The following KIRREL3 variants were observed in gnomAD, a reference collection of about 807,000 sequenced individuals.
KIRREL3 encodes kirre like nephrin family adhesion molecule 3.
Under a neutral mutation model 89.7 loss-of-function variants are expected in KIRREL3, and 36 were observed. The ratio of observed to expected loss-of-function variants is 0.40; its 90% CI spans 0.31 to 0.53. The LOEUF is 0.53. Among genes scored for constraint, KIRREL3 ranks in the 20% least tolerant of loss-of-function variants. The pLI is 0.49. For missense variants in KIRREL3, 864 were observed against 1,056.6 expected (o/e 0.82, Z 2.53); for synonymous variants, 445 against 441.4 (o/e 1.01, Z -0.10).
At chr11:126,950,450 C>G (rs1433992998) in intron 1 of KIRREL3, among the ~76,000 whole-genome samples, 1 of 152,130 alleles carries the variant, frequency 6.6e-6, no homozygotes, top group Admixed American at 6.6e-5. Flanking sequence ...CAAGGCTGAC[C>G]TCTACGGGCA....
At position 126,614,504 on chromosome 11, in the gene KIRREL3, A is replaced by G. The variant is rs1943264478; in HGVS notation, c.56-51592T>C. On this transcript the variant is annotated intron_variant, in intron 1 of 16. Coordinates refer to ENST00000525144, the MANE Select transcript of KIRREL3 (RefSeq NM_032531.4). This position sits in a 1 kb window ranked among gnomAD's most constrained non-coding sequence, Gnocchi z 4.6. ...CAGTGATACTCAGGCCCTTAGATCA[A>G]TTAAATCAGACTTTCTCATGAGGGT... is the stretch of plus-strand genomic sequence containing the variant. Among the ~76,000 whole-genome samples the G allele has an allele frequency of 1.3e-5, 2 of 152,322 alleles. No individual in the cohort carries two copies. The highest frequency in any genetic ancestry group is 4.1e-4 in the South Asian group (2 of 4,822).
At chr11:126,452,081 AGAC>A (rs1555109626) in intron 7 of KIRREL3, among the ~76,000 whole-genome samples, 1 of 152,054 alleles carries the variant, frequency 6.6e-6, no homozygotes, top group Non-Finnish European at 1.5e-5. Context: ...CAGCCCCGAG[AGAC>A]GACTGTTTCT....
Position 126,574,067 on chromosome 11 carries a change from G to A in KIRREL3, c.56-11155C>T, listed in dbSNP as rs937088005. ...CCCAGACAAGGGGCTTCATTCTGAG[G>A]GACTAGAACATCGGTTGCGGAATGT... On this transcript the variant is annotated intron_variant, in intron 1 of 16. Transcript: ENST00000525144. This position sits in a 1 kb window ranked among gnomAD's most constrained non-coding sequence, Gnocchi z 5.3. 6.6e-6 allele frequency among the ~76,000 whole-genome samples: 1 copy of A among 152,202 alleles called. No homozygotes were observed. The highest frequency in any genetic ancestry group is 1.5e-5 in the Non-Finnish European group (1 of 68,026).
At chr11:126,968,360 G>T (rs1565464846) in intron 1 of KIRREL3, among the ~76,000 whole-genome samples, 1 of 152,118 alleles carries the variant, frequency 6.6e-6, no homozygotes. Flanking sequence ...AAAGAAAGGG[G>T]GAAGAAAAGA....
intron 1 of KIRREL3, among the ~76,000 whole-genome samples, chr11:126,722,093 T>A (rs1948196985): frequency 6.6e-6 from 1 of 152,242 alleles, no homozygotes; most frequent in Admixed American, 6.5e-5. Context: ...GTAACTCTAC[T>A]GTATATACCT....
At chr11:126,743,482 G>A (rs1225882200) in intron 1 of KIRREL3, among the ~76,000 whole-genome samples, 2 of 152,220 alleles carry the variant, frequency 1.3e-5, no homozygotes, top group Non-Finnish European at 2.9e-5. Context: ...TCTGGGCTCT[G>A]TGTTAGGTAC....
intron 1 of KIRREL3, among the ~76,000 whole-genome samples, chr11:126,958,036 T>C (rs1424528556): frequency 6.6e-6 from 1 of 152,228 alleles, no homozygotes; most frequent in East Asian, 1.9e-4. Context: ...CAGATTCTGA[T>C]GAGGTCAGGT....
At position 126,766,765 on chromosome 11, in the gene KIRREL3, G is replaced by T. The variant is rs116883776; in HGVS notation, c.56-203853C>A. ...TGTAAAACTTAATGATCATCTTTCT[G>T]ACTGGGGATCATAAAGTGCTGTTGA... On this transcript the variant is annotated intron_variant, in intron 1 of 16. Coordinates refer to ENST00000525144, the MANE Select transcript of KIRREL3 (RefSeq NM_032531.4). This position sits in a 1 kb window ranked among gnomAD's most constrained non-coding sequence, Gnocchi z 4.2. Among the ~76,000 whole-genome samples, 10 of 152,322 alleles carry T rather than the reference G, an allele frequency of 6.6e-5. No individual in the cohort carries two copies. Among genetic ancestry groups the T allele is most frequent in the Non-Finnish European group, 7.4e-5 (5 of 68,026 alleles).
At position 126,551,637 on chromosome 11, in the gene KIRREL3, A is replaced by C. The variant is rs1591722314; in HGVS notation, c.133+11198T>G. Reference sequence around the variant, plus strand: ...CATGAATGTCTCCCAGGGTGAGGCCACTCAGGTTTGCAGGCTTTTTTTTTT... The same window carrying C: ...CATGAATGTCTCCCAGGGTGAGGCCCCTCAGGTTTGCAGGCTTTTTTTTTT... On this transcript the variant is annotated intron_variant, in intron 2 of 16. Transcript: ENST00000525144. The surrounding 1 kb of genome is among the most constrained non-coding windows in gnomAD (Gnocchi z 4.9). Among the ~76,000 whole-genome samples the C allele has an allele frequency of 6.8e-6, 1 of 148,072 alleles. No homozygotes were observed. The highest frequency in any genetic ancestry group is 1.5e-5 in the Non-Finnish European group (1 of 67,478).
chr11:126,446,756 C>T lies in KIRREL3; in HGVS notation c.1125+3G>A, dbSNP rs927557035. 2.5e-6 allele frequency: 4 copies of T among 1,598,064 alleles called. No homozygotes were observed. Among genetic ancestry groups the T allele is most frequent in the East Asian group, 2.3e-5 (1 of 44,228 alleles). ...TGCCCCGAGGTCTGAGCTGCAGCCT[C>T]ACCACTCCGGAGCCCCGCTTCATCC... On this transcript the variant is annotated splice_donor_region_variant and intron_variant, in intron 9 of 16. Transcript: ENST00000525144.
rs991198012 is a variant in KIRREL3 at position 126,999,404 on chromosome 11, G to C, written c.55+1051C>G. Among the ~76,000 whole-genome samples the C allele has an allele frequency of 1.3e-5, 2 of 152,234 alleles. No individual in the cohort carries two copies. The highest frequency in any genetic ancestry group is 2.9e-5 in the Non-Finnish European group (2 of 68,038). ...AGAAGACATGCTGTTTGCTTGCAAA[G>C]CCAGCCACCCATGGCAGTGCTTTGC... On this transcript the variant is annotated intron_variant, in intron 1 of 16. Coordinates refer to ENST00000525144, the MANE Select transcript of KIRREL3 (RefSeq NM_032531.4). The surrounding 1 kb of genome is among the most constrained non-coding windows in gnomAD (Gnocchi z 5.7).
chr11:126,613,867 G>C (rs1247807969), intron 1 of KIRREL3, among the ~76,000 whole-genome samples: 4 of 70,194 alleles, frequency 5.7e-5, no homozygotes, highest in Non-Finnish European at 8.4e-5. Flanking sequence ...TGTTAATACT[G>C]TTGCTTTTTT....
In KIRREL3 at chr11:126,624,839, T is replaced by C. The variant is rs1943715338; in HGVS notation, c.56-61927A>G. On this transcript the variant is annotated intron_variant, in intron 1 of 16. Coordinates refer to ENST00000525144, the MANE Select transcript of KIRREL3 (RefSeq NM_032531.4). This position sits in a 1 kb window ranked among gnomAD's most constrained non-coding sequence, Gnocchi z 6.0. ...GCTGATGGAAGGGCCCGTTGGATACTGACCCAGGGCTTGGGGAGATAGCCT... is the reference window on the plus strand; with the variant it reads ...GCTGATGGAAGGGCCCGTTGGATACCGACCCAGGGCTTGGGGAGATAGCCT... 6.6e-6 allele frequency among the ~76,000 whole-genome samples: 1 copy of C among 152,208 alleles called. No individual in the cohort carries two copies. The highest frequency in any genetic ancestry group is 1.5e-5 in the Non-Finnish European group (1 of 68,040).
chr11:126,890,810 C>T lies in KIRREL3; in HGVS notation c.55+109645G>A, dbSNP rs1349180794. ...CGGCCTGCCTGTGCCCAGCGCTGCCCCAGCATCCTCCCAACCACTGTCCTC... is the reference window on the plus strand; with the variant it reads ...CGGCCTGCCTGTGCCCAGCGCTGCCTCAGCATCCTCCCAACCACTGTCCTC... On this transcript the variant is annotated intron_variant, in intron 1 of 16. Transcript: ENST00000525144. This position sits in a 1 kb window ranked among gnomAD's most constrained non-coding sequence, Gnocchi z 5.1. 6.6e-6 allele frequency among the ~76,000 whole-genome samples: 1 copy of T among 152,200 alleles called. No homozygotes were observed. The highest frequency in any genetic ancestry group is 1.5e-5 in the Non-Finnish European group (1 of 68,048).
chr11:126,657,598 A>G lies in KIRREL3; in HGVS notation c.56-94686T>C, dbSNP rs759076368. 2.2e-3 allele frequency among the ~76,000 whole-genome samples: 330 copies of G among 152,310 alleles called. 3 individuals are homozygous for G. Among genetic ancestry groups the G allele is most frequent in the Non-Finnish European group, 3.7e-3 (253 of 68,016 alleles). The stretch of plus-strand genomic sequence containing the variant: ...GGACGTGTGGGAACTCAGGGCCTGT[A>G]GATGGGTTGGGGGTGAGGTGGAGTA... On this transcript the variant is annotated intron_variant, in intron 1 of 16. Transcript: ENST00000525144.
chr11:126,988,382 C>T (rs999994982), intron 1 of KIRREL3: 1 of 152,774 alleles, frequency 6.5e-6, no homozygotes, highest in Non-Finnish European at 1.5e-5. Flanking sequence ...AGCTCTCCGT[C>T]CCAAATCCTA....
At chr11:126,602,942 C>T (rs920858195) in intron 1 of KIRREL3, among the ~76,000 whole-genome samples, 12 of 152,158 alleles carry the variant, frequency 7.9e-5, no homozygotes, top group African/African-American at 2.7e-4. Flanking sequence ...CTAATAGCTA[C>T]AGAGGTCTCA....
At position 126,563,732 on chromosome 11, in the gene KIRREL3, G is replaced by A. The variant is rs926936031; in HGVS notation, c.56-820C>T. Among the ~76,000 whole-genome samples, 2 of 152,228 alleles carry A rather than the reference G, an allele frequency of 1.3e-5. No individual in the cohort carries two copies. The highest frequency in any genetic ancestry group is 2.9e-5 in the Non-Finnish European group (2 of 68,040). On this transcript the variant is annotated intron_variant, in intron 1 of 16. Coordinates refer to ENST00000525144, the MANE Select transcript of KIRREL3 (RefSeq NM_032531.4). The surrounding 1 kb of genome is among the most constrained non-coding windows in gnomAD (Gnocchi z 6.8). ...TATTTTGTAAATCAGTGTCCATTGTGTGTGTGAGCATTAAATTGGAGTCCA... is the reference window on the plus strand; with the variant it reads ...TATTTTGTAAATCAGTGTCCATTGTATGTGTGAGCATTAAATTGGAGTCCA...
chr11:126,658,369 G>C (rs980288173), intron 1 of KIRREL3, among the ~76,000 whole-genome samples: 1 of 152,168 alleles, frequency 6.6e-6, no homozygotes, highest in Non-Finnish European at 1.5e-5. Context: ...AAAAAGCACA[G>C]ATGCAGTGAC....
Sources: gnomAD v4.1 joint callset for allele counts (sites outside exome capture counted in the v4.1 genomes callset) on GRCh38, gnomAD v4.1.1 for gene constraint, Gnocchi (gnomAD v3.1) non-coding constraint, MANE v1.5 for transcripts, NCBI Gene and HGNC (gene_info 2026-07-23, HGNC 2026-07-21) for gene names.